LANCL3: variants seen among roughly 807,000 people sequenced by gnomAD.
LANCL3 encodes lanC-like protein 3.
In LANCL3, 19 loss-of-function variants were observed where a neutral mutation model predicts 26.5. The observed-to-expected ratio is 0.72, with a 90% CI of 0.50 to 1.05. LANCL3 has a LOEUF of 1.05. Ranked by LOEUF, LANCL3 falls within the 50% of genes least tolerant of loss-of-function variation. The probability of loss-of-function intolerance (pLI) is 0.00; values close to 1 mark genes in which losing one functional copy is unlikely to be tolerated. For missense variants in LANCL3, 318 were observed against 362.7 expected, an observed-to-expected ratio of 0.88 and a Z score of 1.00; for synonymous variants, 160 against 166.6, an observed-to-expected ratio of 0.96 and a Z score of 0.30.
intron 1 of LANCL3, among the ~76,000 whole-genome samples, chrX:37,582,071 G>T (rs782715568): frequency 9.0e-6 from 1 of 111,312 alleles, no homozygotes; most frequent in Non-Finnish European, 1.9e-5. Flanking sequence ...TGAGAATGAT[G>T]GTTTCCAGCT....
rs556700871 is a variant in LANCL3, at chrX:37,627,896, T to C, written c.574-27792T>C. 2.7e-5 allele frequency among the ~76,000 whole-genome samples: 3 copies of C among 111,812 alleles called. No homozygotes were observed. In the South Asian group the frequency reaches 1.1e-3, roughly 42 times the overall value. On this transcript the variant is annotated intron_variant, in intron 1 of 4. Transcript: ENST00000378619. ...GATTTTGACCTCATGGACCCTGACC[T>C]CTTGCACCTACCAATCTATGTTCCA...
rs1261959477 is a variant in LANCL3 at position 37,574,094 on chromosome X, A to C, written c.573+1651A>C. Reference sequence around the variant, plus strand: ...AAAAAAACCCACCACCACCACCAACAAAAACAGGTCTTAACCTGAGCCTGA... The same window carrying C: ...AAAAAAACCCACCACCACCACCAACCAAAACAGGTCTTAACCTGAGCCTGA... On this transcript the variant is annotated intron_variant, in intron 1 of 4. Coordinates refer to ENST00000378619, the MANE Select transcript of LANCL3 (RefSeq NM_001170331.2). Among the ~76,000 whole-genome samples, 3 of 107,294 alleles carry C rather than the reference A, an allele frequency of 2.8e-5. No individual in the cohort carries two copies. In the South Asian group the frequency reaches 1.2e-3, roughly 45 times the overall value. The allele number at this position is 107,294 out of a possible 115,157, so 93.2% of individuals were successfully genotyped here. A position where few individuals can be genotyped will look rare whatever the true frequency, so the allele number is the denominator to read the frequency against.
Position 37,571,673 on chromosome X carries a change from C to T in LANCL3, c.-198C>T. On this transcript the variant is annotated 5_prime_UTR_variant, in exon 1 of 5. Transcript: ENST00000378619. ...GATCGCCCGGGCCACTCGGGAGCCTCGCGGCAGCCCGGCGCCCCACTTGGC... is the reference window on the plus strand; with the variant it reads ...GATCGCCCGGGCCACTCGGGAGCCTTGCGGCAGCCCGGCGCCCCACTTGGC... 1 of 376,462 alleles carries T rather than the reference C, an allele frequency of 2.7e-6. No homozygotes were observed. Among genetic ancestry groups the T allele is most frequent in the East Asian group, 4.6e-5 (1 of 21,729 alleles). The allele number at this position is 376,462 out of a possible 1,213,427, so 31.0% of individuals were successfully genotyped here.
chrX:37,682,230 G>C lies in LANCL3; in HGVS notation c.*6417G>C, dbSNP rs1926956853. On this transcript the variant is annotated 3_prime_UTR_variant, in exon 5 of 5. Coordinates refer to ENST00000378619, the MANE Select transcript of LANCL3 (RefSeq NM_001170331.2). Reference sequence around the variant, plus strand: ...CCATTCTCCTGCCTCAGCCTCCCAAGTAGCTGGGACTACAGGCGCCCGCCA... The same window carrying C: ...CCATTCTCCTGCCTCAGCCTCCCAACTAGCTGGGACTACAGGCGCCCGCCA... The C allele has an allele frequency of 9.5e-6, 1 of 105,575 alleles. No individual in the cohort carries two copies. The highest frequency in any genetic ancestry group is 3.4e-5 in the African/African-American group (1 of 29,047). The allele number at this position is 105,575 out of a possible 1,213,427, so 8.7% of individuals were successfully genotyped here.
At chrX:37,603,988 G>A (rs1052663463) in intron 1 of LANCL3, among the ~76,000 whole-genome samples, 20 of 112,513 alleles carry the variant, frequency 1.8e-4, no homozygotes, top group African/African-American at 6.5e-4. Flanking sequence ...CTGCTGGGCA[G>A]CCTGCCGACA....
chrX:37,656,930 A>G (rs1556431070), intron 2 of LANCL3, among the ~76,000 whole-genome samples: 1 of 113,136 alleles, frequency 8.8e-6, no homozygotes, highest in East Asian at 2.7e-4. Context: ...TAAAAGGTTT[A>G]TTTGAAAGGT....
At chrX:37,604,097 G>A (rs1924643279) in intron 1 of LANCL3, among the ~76,000 whole-genome samples, 2 of 112,648 alleles carry the variant, frequency 1.8e-5, no homozygotes, top group Admixed American at 1.9e-4. Context: ...TGAGCCATGT[G>A]AGAATCTGCC....
intron 1 of LANCL3, among the ~76,000 whole-genome samples, chrX:37,644,888 G>A (rs1556426531): frequency 8.9e-6 from 1 of 112,199 alleles, no homozygotes; most frequent in Non-Finnish European, 1.9e-5. Flanking sequence ...AATCAGTGTC[G>A]GGTGTGGACA....
At chrX:37,591,719 C>T (rs3106234) in intron 1 of LANCL3, among the ~76,000 whole-genome samples, 3,424 of 80,844 alleles carry the variant, frequency 0.042, 173 homozygotes, top group Admixed American at 0.17. Context: ...GTAATGAGCT[C>T]CAGCTGGTGG....
At chrX:37,602,484 G>A (rs1172914713) in intron 1 of LANCL3, among the ~76,000 whole-genome samples, 1 of 111,736 alleles carries the variant, frequency 8.9e-6, no homozygotes, top group African/African-American at 3.2e-5. Flanking sequence ...ATGAAGCAGC[G>A]TAAAACATGA....
At chrX:37,632,776 T>C (rs1556424723) in intron 1 of LANCL3, among the ~76,000 whole-genome samples, 1 of 111,857 alleles carries the variant, frequency 8.9e-6, no homozygotes, top group Non-Finnish European at 1.9e-5. Context: ...ATGTTGAATA[T>C]TGGCCCCCAC....
chrX:37,661,334 C>A (rs1039836669), intron 3 of LANCL3, among the ~76,000 whole-genome samples: 2 of 111,712 alleles, frequency 1.8e-5, no homozygotes, highest in Non-Finnish European at 3.8e-5. Context: ...CTTTGTAAAT[C>A]ATTTACCGTA....
At chrX:37,593,273 G>A (rs1274215015) in intron 1 of LANCL3, among the ~76,000 whole-genome samples, 2 of 111,155 alleles carry the variant, frequency 1.8e-5, no homozygotes, top group East Asian at 2.8e-4. Flanking sequence ...ACCAAAGGGA[G>A]AAAAAGGAGA....
intron 1 of LANCL3, among the ~76,000 whole-genome samples, chrX:37,611,080 T>G (rs782720742): frequency 4.3e-4 from 48 of 111,668 alleles, no homozygotes; most frequent in African/African-American, 1.3e-3. Context: ...CATCCAGAGT[T>G]GTCCCCTAGA....
In LANCL3 at chrX:37,678,112, A is replaced by G. The variant is rs1926857554; in HGVS notation, c.*2299A>G. 8.9e-6 allele frequency: 1 copy of G among 112,291 alleles called. No individual in the cohort carries two copies. The highest frequency in any genetic ancestry group is 9.4e-5 in the Admixed American group (1 of 10,616). The allele number at this position is 112,291 out of a possible 1,213,427, so 9.3% of individuals were successfully genotyped here. A position where few individuals can be genotyped will look rare whatever the true frequency, so the allele number is the denominator to read the frequency against. ...TGTGTGTCAAATCTAAGCAAAGACC[A>G]TGTTTGAGTATTGTCTTTATGAAAT... is the stretch of plus-strand genomic sequence containing the variant. On this transcript the variant is annotated 3_prime_UTR_variant, in exon 5 of 5. Coordinates refer to ENST00000378619, the MANE Select transcript of LANCL3 (RefSeq NM_001170331.2).
rs1207272062 is a variant in LANCL3 at position 37,634,620 on chromosome X, C to T, written c.574-21068C>T. On this transcript the variant is annotated intron_variant, in intron 1 of 4. Coordinates refer to ENST00000378619, the MANE Select transcript of LANCL3 (RefSeq NM_001170331.2). Reference sequence around the variant, plus strand: ...TGTAATGTGTGATTTTGGATTGGTTCCTGTGACAGAAAATAAAATAGCTGT... The same window carrying T: ...TGTAATGTGTGATTTTGGATTGGTTTCTGTGACAGAAAATAAAATAGCTGT... 5.3e-5 allele frequency among the ~76,000 whole-genome samples: 6 copies of T among 112,300 alleles called. No homozygotes were observed. In the Admixed American group the frequency reaches 5.6e-4, roughly 11 times the overall value.
At chrX:37,668,442 C>T in intron 4 of LANCL3, 1 of 391,213 alleles carries the variant, frequency 2.6e-6, no homozygotes, top group Non-Finnish European at 4.6e-6. Flanking sequence ...TAGATATTAC[C>T]TCTGACTGGT....
chrX:37,596,141 C>T (rs1429028762), intron 1 of LANCL3, among the ~76,000 whole-genome samples: 3 of 111,785 alleles, frequency 2.7e-5, no homozygotes, highest in Non-Finnish European at 5.6e-5. Flanking sequence ...AATGGGTCCT[C>T]GTAATTTTTC....
At chrX:37,596,628 G>T (rs782467434) in intron 1 of LANCL3, among the ~76,000 whole-genome samples, 12 of 111,784 alleles carry the variant, frequency 1.1e-4, no homozygotes, top group Non-Finnish European at 1.5e-4. Context: ...TCTGATTTTT[G>T]ATTGCCAGGA....
Sources: allele counts gnomAD v4.1 joint callset (sites outside exome capture counted in the v4.1 genomes callset), GRCh38; gene constraint gnomAD v4.1.1; transcripts MANE v1.5; gene names NCBI Gene and HGNC (gene_info 2026-07-23, HGNC 2026-07-21).